KTN1: variants seen among roughly 807,000 people sequenced by gnomAD.
KTN1 encodes kinectin 1, also known as kinectin.
In KTN1, 130 loss-of-function variants were observed where a neutral mutation model predicts 222.5. The observed-to-expected ratio is 0.58, with a 90% confidence interval of 0.51 to 0.68. The LOEUF (loss-of-function observed/expected upper bound fraction) is 0.68, where lower values mean the gene tolerates loss of function less well. KTN1 is among the 30% of genes least tolerant of loss of function. The probability of loss-of-function intolerance (pLI) is 0.00; values close to 1 mark genes in which losing one functional copy is unlikely to be tolerated. For synonymous variants in KTN1, 512 were observed against 496.3 expected, an observed-to-expected ratio of 1.03 and a Z score of -0.42; for missense variants, 1,508 against 1,500.4, an observed-to-expected ratio of 1.01 and a Z score of -0.08.
chr14:55,672,059 G>A, intron 37 of KTN1, 182 bp downstream of exon 37: 1 of 538,908 alleles, frequency 1.9e-6, no homozygotes, highest in Non-Finnish European at 3.3e-6. Flanking sequence ...GCCCACCCAA[G>A]TTTGAAAATC....
intron 19 of KTN1, 44 bp from the exon 20 acceptor site, chr14:55,647,981 T>G (rs2042562218): frequency 1.4e-6 from 1 of 721,448 alleles, no homozygotes; most frequent in Non-Finnish European, 2.1e-6. Flanking sequence ...TATCATTAAC[T>G]TTGAAAAATA....
chr14:55,618,229 C>A (rs1403957231), intron 4 of KTN1, 95 bp downstream of exon 4: 2 of 910,300 alleles, frequency 2.2e-6, no homozygotes, highest in African/African-American at 1.7e-5. Flanking sequence ...AGAAACAATG[C>A]ATTTCAAAAG....
intron 40 of KTN1, chr14:55,673,491 T>C (rs1195757656): frequency 1.9e-5 from 6 of 323,818 alleles, no homozygotes; most frequent in African/African-American, 4.3e-5. Flanking sequence ...TCCAACTCTT[T>C]TTCAAAATTT....
Position 55,612,237 on chromosome 14 carries a change from AAAG to A in KTN1, c.192_194del (p.Lys65del). ...AGAAAGCAGAAAAGAAAAAGAATAA[AAAG>A]AAAGAAATCCAGAATGGAAACCTCC... On this transcript the variant is annotated inframe_deletion, in exon 2 of 44. Coordinates refer to ENST00000395314, the MANE Select transcript of KTN1 (RefSeq NM_001079521.2). 1.3e-6 allele frequency: 2 copies of A among 1,586,008 alleles called. No homozygotes were observed. The highest frequency in any genetic ancestry group is 8.5e-7 in the Non-Finnish European group (1 of 1,173,104).
intron 31 of KTN1, among the ~76,000 whole-genome samples, 164 bp downstream of exon 31, chr14:55,659,867 A>T (rs1055161921): frequency 5.9e-5 from 9 of 152,198 alleles, no homozygotes; most frequent in Non-Finnish European, 1.3e-4. Flanking sequence ...ACCTTTGGCT[A>T]AGATGCTTTT....
At chr14:55,650,708 C>T (rs1387549077) in intron 24 of KTN1, 71 bp downstream of exon 24, 2 of 1,201,998 alleles carry the variant, frequency 1.7e-6, no homozygotes, top group East Asian at 2.3e-5. Flanking sequence ...GATTTTTTTT[C>T]TTGTTACTCA....
chr14:55,582,098 A>G (rs1040823504), intron 1 of KTN1, among the ~76,000 whole-genome samples: 3 of 152,202 alleles, frequency 2.0e-5, no homozygotes, highest in Admixed American at 6.5e-5. Flanking sequence ...CTGATAATGA[A>G]TTTGAAAATA....
rs768600077 is a variant in KTN1, at chr14:55,658,547, A to T, written c.2894A>T (p.Asp965Val). The stretch of plus-strand genomic sequence containing the variant: ...GATGTTTAATTTTTATTTAATTAGG[A>T]TGTACAAGATGAAAACAAATTGTTT... ...DLSSKTQLLQ[D>V]VQDENKLFKS... The change falls in exon 30 of 44, where the codon GAT (aspartate) becomes GTT (valine). Residue 965 changes from aspartate to valine, a missense_variant and splice_region_variant. Physicochemically the swap from Asp to Val is radical, Grantham distance 152. Transcript: ENST00000395314. The T allele has an allele frequency of 6.5e-7, 1 of 1,549,306 alleles. No individual in the cohort carries two copies.
intron 43 of KTN1, chr14:55,680,633 A>C (rs2046285822): frequency 9.2e-7 from 1 of 1,081,246 alleles, no homozygotes; most frequent in South Asian, 1.2e-5. Context: ...ATCCTGGAAA[A>C]GTTGGGATGG....
intron 1 of KTN1, among the ~76,000 whole-genome samples, chr14:55,584,634 C>T (rs542400366): frequency 2.0e-5 from 3 of 152,252 alleles, no homozygotes; most frequent in South Asian, 4.1e-4. Flanking sequence ...TACCTTGCTC[C>T]GTTTTCTTTA....
At chr14:55,675,591 T>G in intron 40 of KTN1, 1 of 358,944 alleles carries the variant, frequency 2.8e-6, no homozygotes, top group Non-Finnish European at 5.0e-6. Context: ...TTGATGGTTT[T>G]GTTTTTGCAT....
intron 34 of KTN1, chr14:55,668,389 T>G (rs1040391247): frequency 1.3e-5 from 2 of 152,000 alleles, no homozygotes; most frequent in Non-Finnish European, 2.9e-5. Flanking sequence ...CAAAACTTAG[T>G]GGTTTCCTAT....
chr14:55,653,133 C>A, intron 27 of KTN1, 48 bp downstream of exon 27: 3 of 1,254,220 alleles, frequency 2.4e-6, no homozygotes, highest in Non-Finnish European at 2.3e-6. Flanking sequence ...AATGATAAAT[C>A]TTTGTTTAAG....
chr14:55,650,617 C>T lies in KTN1; in HGVS notation c.2545C>T (p.Gln849Ter). ...KALKEEIGNV[Q>*]LEKAQQLSIT... ...TCTAAAAGAAGAAATAGGAAATGTC[C>T]AGCTTGAAAAGGCTCAACAGGTAAA... Residue 849 changes from glutamine (Q) to a stop codon, truncating the protein, a stop_gained, in exon 24 of 44, where the codon CAG becomes TAG. Transcript: ENST00000395314. LOFTEE classifies it high-confidence loss of function. The T allele has an allele frequency of 6.2e-7, 1 of 1,611,808 alleles. No individual in the cohort carries two copies. Among genetic ancestry groups the T allele is most frequent in the South Asian group, 1.1e-5 (1 of 90,960 alleles).
chr14:55,604,156 C>T (rs2036398945), intron 1 of KTN1, among the ~76,000 whole-genome samples: 2 of 152,176 alleles, frequency 1.3e-5, no homozygotes, highest in South Asian at 4.1e-4. Flanking sequence ...ATCCCCTCTC[C>T]CTTTCAAATT....
chr14:55,593,443 C>A (rs1430916601), intron 1 of KTN1, among the ~76,000 whole-genome samples: 9 of 141,038 alleles, frequency 6.4e-5, no homozygotes, highest in Non-Finnish European at 7.8e-5. Context: ...GACACCCCCC[C>A]CCCAAAAAAA....
intron 28 of KTN1, among the ~76,000 whole-genome samples, chr14:55,655,148 C>T (rs146026248): frequency 6.6e-6 from 1 of 151,998 alleles, no homozygotes; most frequent in African/African-American, 2.4e-5. Flanking sequence ...GCCACCATGC[C>T]TGGCTAATTT....
intron 21 of KTN1, 25 bp downstream of exon 21, chr14:55,648,895 C>T (rs775960290): frequency 1.4e-6 from 2 of 1,402,334 alleles, no homozygotes. Flanking sequence ...TACAACTGTT[C>T]TTTGTCTCTG....
intron 5 of KTN1, among the ~76,000 whole-genome samples, chr14:55,622,984 G>A (rs1210327518): frequency 6.6e-6 from 1 of 152,102 alleles, no homozygotes; most frequent in Non-Finnish European, 1.5e-5. Context: ...TACCAGACTT[G>A]TTTCTTCTGT....
Sources: gnomAD v4.1 joint callset for allele counts (sites outside exome capture counted in the v4.1 genomes callset) on GRCh38, gnomAD v4.1.1 for gene constraint, MANE v1.5 for transcripts, NCBI Gene and HGNC (gene_info 2026-07-23, HGNC 2026-07-21) for gene names.